Variants in SEMA5A observed in about 807,000 individuals in gnomAD.
The protein encoded by SEMA5A is semaphorin-5A.
In SEMA5A, 55 loss-of-function variants were observed where a neutral mutation model predicts 135.5. That is an observed-to-expected ratio of 0.41 (90% CI 0.33 to 0.51). The LOEUF (loss-of-function observed/expected upper bound fraction) is 0.51, where lower values mean the gene tolerates loss of function less well. Among genes scored for constraint, SEMA5A ranks in the 20% least tolerant of loss-of-function variants. The probability of loss-of-function intolerance (pLI) is 0.37; values close to 1 mark genes in which losing one functional copy is unlikely to be tolerated. For missense variants in SEMA5A, 1,290 were observed against 1,419.9 expected (o/e 0.91, Z 1.47); for synonymous variants, 580 against 546.5 (o/e 1.06, Z -0.85).
chr5:9,265,261 C>T (rs1028406881), intron 5 of SEMA5A, among the ~76,000 whole-genome samples: 22 of 152,102 alleles, frequency 1.4e-4, no homozygotes, highest in African/African-American at 5.1e-4. Context: ...TTACATATTC[C>T]CCTCCTGAGG....
chr5:9,369,882 C>T (rs1450664558), intron 3 of SEMA5A, among the ~76,000 whole-genome samples: 1 of 152,018 alleles, frequency 6.6e-6, no homozygotes. Flanking sequence ...GAACCCCTTC[C>T]TTCACTTAAC....
intron 1 of SEMA5A, among the ~76,000 whole-genome samples, chr5:9,505,736 C>T (rs779435415): frequency 4.6e-5 from 7 of 152,100 alleles, no homozygotes; most frequent in Admixed American, 6.5e-5. Flanking sequence ...GCCAAATGGC[C>T]GAAGCTAAGT....
At chr5:9,439,933 C>A (rs1326652526) in intron 1 of SEMA5A, among the ~76,000 whole-genome samples, 2 of 152,206 alleles carry the variant, frequency 1.3e-5, no homozygotes, top group African/African-American at 4.8e-5. Flanking sequence ...GGTGTCCACC[C>A]GAAAGGGTTG....
intron 11 of SEMA5A, among the ~76,000 whole-genome samples, chr5:9,162,033 A>G (rs1743284225): frequency 6.6e-6 from 1 of 152,252 alleles, no homozygotes; most frequent in African/African-American, 2.4e-5. Flanking sequence ...AATGCCATGT[A>G]GGTAGTTCAT....
rs1299276391 is a variant in SEMA5A at position 9,168,939 on chromosome 5, T to C, written c.1274-14244A>G. Among the ~76,000 whole-genome samples, 3 of 152,300 alleles carry C rather than the reference T, an allele frequency of 2.0e-5. No individual in the cohort carries two copies. In the East Asian group the frequency reaches 5.8e-4, roughly 29 times the overall value. On this transcript the variant is annotated intron_variant, in intron 11 of 22. Transcript: ENST00000382496. The stretch of plus-strand genomic sequence containing the variant: ...ATTAACCATTACCCAAAGAGTTACA[T>C]TTAACACACATTTGAGTCATTCCTT...
intron 8 of SEMA5A, among the ~76,000 whole-genome samples, chr5:9,221,447 C>A (rs537908778): frequency 6.6e-6 from 1 of 151,060 alleles, no homozygotes; most frequent in Non-Finnish European, 1.5e-5. Context: ...GGACTACAGG[C>A]GCCCACCACC....
At chr5:9,495,933 C>T (rs942324264) in intron 1 of SEMA5A, among the ~76,000 whole-genome samples, 1 of 152,176 alleles carries the variant, frequency 6.6e-6, no homozygotes, top group Non-Finnish European at 1.5e-5. Flanking sequence ...GCTCCCCTCT[C>T]CCATCCACAC....
intron 12 of SEMA5A, among the ~76,000 whole-genome samples, chr5:9,146,220 C>T (rs1053698882): frequency 6.6e-6 from 1 of 152,136 alleles, no homozygotes; most frequent in African/African-American, 2.4e-5. Flanking sequence ...ATCATGTCTT[C>T]CTCACTGTCC....
Position 9,063,017 on chromosome 5 carries a change from G to A in SEMA5A, c.2388C>T (p.Cys796=), listed in dbSNP as rs752423033. 1.2e-6 allele frequency: 2 copies of A among 1,614,214 alleles called. No homozygotes were observed. Among genetic ancestry groups the A allele is most frequent in the Admixed American group, 3.3e-5 (2 of 60,028 alleles). ...AWSAWTSWSQ[C]SRDCSRGIRN... is the part of the protein sequence containing the mutation. ...GAATGCCCCTGCTGCAGTCACGGCT[G>A]CACTGTGACCACGACGTCCAGGCTG... The change falls in exon 18 of 23, where the codon TGC becomes TGT. Residue 796 remains cysteine, a synonymous_variant. Coordinates refer to ENST00000382496, the MANE Select transcript of SEMA5A (RefSeq NM_003966.3).
At chr5:9,421,331 T>C (rs2126631984) in intron 2 of SEMA5A, among the ~76,000 whole-genome samples, 1 of 152,326 alleles carries the variant, frequency 6.6e-6, no homozygotes, top group Admixed American at 6.5e-5. Flanking sequence ...TGAGACATTC[T>C]TACAACATAA....
intron 5 of SEMA5A, among the ~76,000 whole-genome samples, chr5:9,277,225 C>T (rs1455817333): frequency 6.6e-6 from 1 of 152,208 alleles, no homozygotes; most frequent in African/African-American, 2.4e-5. Flanking sequence ...TGCTCATCAT[C>T]ACTGGCCATT....
In SEMA5A at chr5:9,435,085, T is replaced by C. The variant is rs138780305; in HGVS notation, c.-78+2671A>G. ...CAATTTATTTATGTGGCAAAGGGTATTGCCATGTTATTTCATCATTTAACT... is the reference window on the plus strand; with the variant it reads ...CAATTTATTTATGTGGCAAAGGGTACTGCCATGTTATTTCATCATTTAACT... On this transcript the variant is annotated intron_variant, in intron 2 of 22. Transcript: ENST00000382496. Among the ~76,000 whole-genome samples the C allele has an allele frequency of 6.4e-4, 97 of 152,318 alleles. 1 individual carries two copies. Among genetic ancestry groups the C allele is most frequent in the African/African-American group, 2.0e-3 (83 of 41,572 alleles).
intron 5 of SEMA5A, among the ~76,000 whole-genome samples, chr5:9,293,977 C>A (rs1423811863): frequency 1.3e-5 from 2 of 152,148 alleles, no homozygotes; most frequent in Admixed American, 1.3e-4. Context: ...AGTTATTCTC[C>A]ATGACTTATC....
intron 13 of SEMA5A, among the ~76,000 whole-genome samples, chr5:9,131,363 C>T (rs1370475124): frequency 2.6e-5 from 4 of 152,042 alleles, no homozygotes; most frequent in Admixed American, 2.6e-4. Flanking sequence ...AATCCCAGCA[C>T]TTTGGGAGGC....
At chr5:9,373,438 G>A (rs1234674992) in intron 3 of SEMA5A, among the ~76,000 whole-genome samples, 3 of 152,096 alleles carry the variant, frequency 2.0e-5, no homozygotes, top group East Asian at 1.9e-4. Flanking sequence ...GCCCAGTCCC[G>A]GTGATGGCCC....
chr5:9,166,303 G>C (rs986389816), intron 11 of SEMA5A, among the ~76,000 whole-genome samples: 3 of 151,908 alleles, frequency 2.0e-5, no homozygotes, highest in Middle Eastern at 3.2e-3. Flanking sequence ...GTGGCCTCTG[G>C]GGCACAACAG....
intron 2 of SEMA5A, among the ~76,000 whole-genome samples, chr5:9,434,772 A>C (rs1337067094): frequency 1.3e-5 from 2 of 152,312 alleles, no homozygotes; most frequent in African/African-American, 4.8e-5. Flanking sequence ...TTGCCATGGC[A>C]CATGGAATAA....
At chr5:9,505,447 C>G (rs1174325783) in intron 1 of SEMA5A, among the ~76,000 whole-genome samples, 1 of 152,220 alleles carries the variant, frequency 6.6e-6, no homozygotes, top group Non-Finnish European at 1.5e-5. Context: ...ATCTCAGATA[C>G]AGCCTGGATG....
At chr5:9,133,712 G>C (rs989821244) in intron 13 of SEMA5A, among the ~76,000 whole-genome samples, 24 of 151,956 alleles carry the variant, frequency 1.6e-4, no homozygotes. Flanking sequence ...GGTCCTCTCA[G>C]TAGTAGGAAA....
Sources: gnomAD v4.1 joint callset for allele counts (sites outside exome capture counted in the v4.1 genomes callset) on GRCh38, gnomAD v4.1.1 for gene constraint, MANE v1.5 for transcripts, NCBI Gene and HGNC (gene_info 2026-07-23, HGNC 2026-07-21) for gene names.